The following SLC9C1 variants were observed in gnomAD, a reference collection of about 807,000 sequenced individuals.
SLC9C1 encodes the protein solute carrier family 9 member C1.
Under a neutral mutation model 140.9 loss-of-function variants are expected in SLC9C1, and 97 were observed. The ratio of observed to expected loss-of-function variants is 0.69; its 90% confidence interval spans 0.58 to 0.82. The LOEUF is 0.82. SLC9C1 is among the 40% of genes least tolerant of loss of function. The pLI, the probability that SLC9C1 is intolerant of heterozygous loss-of-function variation, is 0.00. For missense variants in SLC9C1, 1,340 were observed against 1,389.3 expected (o/e 0.96, Z 0.56); for synonymous variants, 440 against 442.6 (o/e 0.99, Z 0.07).
chr3:112,285,913 G>A (rs914392159), intron 2 of SLC9C1, among the ~76,000 whole-genome samples: 15 of 151,994 alleles, frequency 9.9e-5, no homozygotes, highest in Non-Finnish European at 1.0e-4. Flanking sequence ...CTACTGGTGC[G>A]TGCTAACATG....
chr3:112,232,648 A>T (rs937893449), intron 12 of SLC9C1, among the ~76,000 whole-genome samples: 1 of 152,122 alleles, frequency 6.6e-6, no homozygotes, highest in African/African-American at 2.4e-5. Flanking sequence ...GTTTTGCAAA[A>T]AAAACAAAAA....
intron 10 of SLC9C1, among the ~76,000 whole-genome samples, chr3:112,252,086 T>C (rs940426651): frequency 6.6e-6 from 1 of 152,060 alleles, no homozygotes; most frequent in Non-Finnish European, 1.5e-5. Context: ...CAGTGTTTTC[T>C]GGGTTGCAGT....
chr3:112,237,154 T>C (rs2079010785), intron 12 of SLC9C1, among the ~76,000 whole-genome samples: 1 of 152,232 alleles, frequency 6.6e-6, no homozygotes, highest in African/African-American at 2.4e-5. Context: ...TGCTCCTGTA[T>C]TGGGTGCATA....
intron 12 of SLC9C1, among the ~76,000 whole-genome samples, chr3:112,237,844 T>C (rs1177163452): frequency 6.6e-6 from 1 of 152,268 alleles, no homozygotes; most frequent in African/African-American, 2.4e-5. Flanking sequence ...TCTGATGGTC[T>C]TCCCTTTGTG....
chr3:112,156,964 C>T (rs2075143177), intron 26 of SLC9C1, among the ~76,000 whole-genome samples: 2 of 152,010 alleles, frequency 1.3e-5, no homozygotes, highest in Admixed American at 6.6e-5. Flanking sequence ...TTCTGTTATT[C>T]TGTAGGTTGT....
At chr3:112,173,644 G>A (rs906450678) in intron 23 of SLC9C1, among the ~76,000 whole-genome samples, 1 of 152,134 alleles carries the variant, frequency 6.6e-6, no homozygotes, top group Non-Finnish European at 1.5e-5. Context: ...AGTATTCCAT[G>A]GTGTGTATGT....
In SLC9C1 at chr3:112,180,613, T is replaced by A; in HGVS notation, c.2699A>T (p.Glu900Val). Residue 900 changes from glutamate to valine, a missense_variant, in exon 22 of 29, where the codon GAA becomes GTA. Physicochemically the swap from Glu to Val is moderately radical, Grantham distance 121 (BLOSUM62 -2). Coordinates refer to ENST00000305815, the MANE Select transcript of SLC9C1 (RefSeq NM_183061.3). ...TFDCGNDIFE[E>V]GDEPKGIYII... is the part of the protein sequence containing the mutation. ...ATAGATTCCTTTGGGCTCATCACCT[T>A]CTTCAAATATATCATTTCCACAATC... The A allele has an allele frequency of 2.8e-5, 45 of 1,613,646 alleles. No individual in the cohort carries two copies. Among genetic ancestry groups the A allele is most frequent in the Non-Finnish European group, 3.7e-5 (44 of 1,179,830 alleles).
At chr3:112,289,286 G>T (rs1398154765) in intron 1 of SLC9C1, among the ~76,000 whole-genome samples, 2 of 152,214 alleles carry the variant, frequency 1.3e-5, no homozygotes, top group Non-Finnish European at 2.9e-5. Flanking sequence ...CAGCAAAAGA[G>T]TGTTAGAAAT....
chr3:112,232,037 C>T lies in SLC9C1; in HGVS notation c.1447-551G>A, dbSNP rs541209853. 2.1e-4 allele frequency among the ~76,000 whole-genome samples: 32 copies of T among 152,252 alleles called. No individual in the cohort carries two copies. In the South Asian group the frequency reaches 6.4e-3, roughly 31 times the overall value. Reference sequence around the variant, plus strand: ...GTATGAATAATTTACAGATGAGAAACTGAAGCTTAGAGAAAATTGATGATA... The same window carrying T: ...GTATGAATAATTTACAGATGAGAAATTGAAGCTTAGAGAAAATTGATGATA... On this transcript the variant is annotated intron_variant, in intron 12 of 28. Coordinates refer to ENST00000305815, the MANE Select transcript of SLC9C1 (RefSeq NM_183061.3).
intron 14 of SLC9C1, among the ~76,000 whole-genome samples, chr3:112,218,450 T>TACA: frequency 1.8e-5 from 1 of 55,056 alleles, no homozygotes. Context: ...TATATATTTT[T>TACA]TTTTTTACTA....
intron 15 of SLC9C1, 59 bp from the exon 16 acceptor site, chr3:112,208,432 T>G (rs2078115455): frequency 8.3e-7 from 1 of 1,198,500 alleles, no homozygotes; most frequent in Non-Finnish European, 1.2e-6. Flanking sequence ...GATTTTCATA[T>G]ATACTCATTT....
chr3:112,268,114 A>G (rs918578268), intron 7 of SLC9C1, among the ~76,000 whole-genome samples: 8 of 152,210 alleles, frequency 5.3e-5, no homozygotes, highest in African/African-American at 1.9e-4. Context: ...AACTAGGGTT[A>G]CTTATTAAAA....
chr3:112,168,778 G>C (rs1479123716), intron 25 of SLC9C1, 99 bp downstream of exon 25: 9 of 1,147,742 alleles, frequency 7.8e-6, no homozygotes, highest in Non-Finnish European at 1.1e-5. Flanking sequence ...AAGATTGGAA[G>C]ATGAAAAGCT....
intron 5 of SLC9C1, among the ~76,000 whole-genome samples, chr3:112,275,889 T>C (rs1477120236): frequency 7.1e-6 from 1 of 141,446 alleles, no homozygotes; most frequent in Admixed American, 7.3e-5. Context: ...CTAGTTTGTT[T>C]TTTTATGAGA....
Position 112,266,223 on chromosome 3 carries a change from A to T in SLC9C1, c.878+15T>A, listed in dbSNP as rs372214392. 6.5e-7 allele frequency: 1 copy of T among 1,537,706 alleles called. No homozygotes were observed. Among genetic ancestry groups the T allele is most frequent in the Non-Finnish European group, 9.0e-7 (1 of 1,114,984 alleles). ...CCAGTGTATGAAATAAAGTCAAAAT[A>T]TGCTATCCACTTACTCAAGAAGAAG... is the stretch of plus-strand genomic sequence containing the variant. On this transcript the variant is annotated intron_variant, in intron 8 of 28. Transcript: ENST00000305815.
At chr3:112,227,326 A>T (rs1268636806) in intron 13 of SLC9C1, among the ~76,000 whole-genome samples, 25 of 152,226 alleles carry the variant, frequency 1.6e-4, no homozygotes, top group Admixed American at 1.6e-3. Flanking sequence ...ATGAACACAG[A>T]TGCAAAAATC....
At chr3:112,190,324 G>T (rs993211984) in intron 20 of SLC9C1, among the ~76,000 whole-genome samples, 1 of 152,152 alleles carries the variant, frequency 6.6e-6, no homozygotes, top group Admixed American at 6.5e-5. Context: ...TTTTCAAAGG[G>T]AATGCTTCCA....
chr3:112,273,117 T>A (rs2080120315), intron 6 of SLC9C1, among the ~76,000 whole-genome samples: 1 of 152,150 alleles, frequency 6.6e-6, no homozygotes, highest in South Asian at 2.1e-4. Context: ...ACAATTGTAC[T>A]TCTTTCAGGT....
At chr3:112,279,997 A>G (rs934998299) in intron 3 of SLC9C1, among the ~76,000 whole-genome samples, 3 of 152,246 alleles carry the variant, frequency 2.0e-5, no homozygotes, top group African/African-American at 7.2e-5. Context: ...AGCTTATAGA[A>G]GTACTTCAAA....
Sources: allele counts gnomAD v4.1 joint callset (sites outside exome capture counted in the v4.1 genomes callset), GRCh38; gene constraint gnomAD v4.1.1; transcripts MANE v1.5; gene names NCBI Gene and HGNC (gene_info 2026-07-23, HGNC 2026-07-21).